The following NDST4 variants were observed in gnomAD, a reference collection of about 807,000 sequenced individuals.
NDST4 encodes N-deacetylase and N-sulfotransferase 4, also known as N-heparan sulfate sulfotransferase 4.
Under a neutral mutation model 100.8 loss-of-function variants are expected in NDST4, and 63 were observed. The ratio of observed to expected loss-of-function variants is 0.62; its 90% CI spans 0.51 to 0.77. NDST4 has a LOEUF of 0.77. NDST4 is among the 30% of genes least tolerant of loss of function. NDST4 has a pLI of 0.00. For synonymous variants in NDST4, 377 were observed against 361.8 expected, an observed-to-expected ratio of 1.04 and a Z score of -0.48; for missense variants, 943 against 1,018.4, an observed-to-expected ratio of 0.93 and a Z score of 1.01.
chr4:114,927,795 T>C (rs932588597), intron 6 of NDST4, among the ~76,000 whole-genome samples: 19 of 152,140 alleles, frequency 1.2e-4, no homozygotes, highest in African/African-American at 4.6e-4. Context: ...AAAGTATAGA[T>C]GATTAATGGA....
chr4:114,917,423 T>C (rs994658121), intron 6 of NDST4, among the ~76,000 whole-genome samples: 14 of 152,068 alleles, frequency 9.2e-5, no homozygotes, highest in African/African-American at 3.1e-4. Context: ...AAAAGACATA[T>C]ATCTCCAAGT....
At chr4:114,934,502 G>A (rs892636029) in intron 6 of NDST4, among the ~76,000 whole-genome samples, 1 of 151,070 alleles carries the variant, frequency 6.6e-6, no homozygotes, top group Non-Finnish European at 1.5e-5. Context: ...TGCAGCTAGC[G>A]GAGATCGCGC....
intron 8 of NDST4, among the ~76,000 whole-genome samples, chr4:114,852,024 T>C (rs1158745927): frequency 6.6e-6 from 1 of 152,170 alleles, no homozygotes; most frequent in Non-Finnish European, 1.5e-5. Flanking sequence ...AAAACTTTAA[T>C]TAATCAGGAC....
At chr4:115,025,196 C>T (rs183903841) in intron 2 of NDST4, among the ~76,000 whole-genome samples, 3 of 152,218 alleles carry the variant, frequency 2.0e-5, no homozygotes, top group East Asian at 3.9e-4. Flanking sequence ...AAGTGTGACA[C>T]ATCCAACATG....
At chr4:114,907,028 G>T (rs1333788531) in intron 6 of NDST4, among the ~76,000 whole-genome samples, 1 of 152,026 alleles carries the variant, frequency 6.6e-6, no homozygotes, top group East Asian at 1.9e-4. Context: ...AATCTAGTGG[G>T]AAAGTACATT....
rs968530402 is a variant in NDST4 at position 114,929,679 on chromosome 4, A to G, written c.1536+5527T>C. Among the ~76,000 whole-genome samples the G allele has an allele frequency of 4.0e-4, 61 of 152,220 alleles. 3 individuals are homozygous for G. The highest frequency in any genetic ancestry group is 1.5e-5 in the Non-Finnish European group (1 of 68,040). On this transcript the variant is annotated intron_variant, in intron 6 of 13. Transcript: ENST00000264363. Reference sequence around the variant, plus strand: ...AACTTTTTAAAGTGAGATTTATAAGACTTACTATAGTTTGATTAGTTCACA... The same window carrying G: ...AACTTTTTAAAGTGAGATTTATAAGGCTTACTATAGTTTGATTAGTTCACA...
rs118175647 is a variant in NDST4 at position 115,095,515 on chromosome 4, T to C, written c.-247+17929A>G. Among the ~76,000 whole-genome samples, 26 of 152,232 alleles carry C rather than the reference T, an allele frequency of 1.7e-4. No homozygotes were observed. The East Asian group carries it at 5.0e-3, about 29-fold the overall frequency. ...ATTGGTTAGATGTCCTTTTTATTTCTCATTGTCACTAATAGCCTATTTTTC... is the reference window on the plus strand; with the variant it reads ...ATTGGTTAGATGTCCTTTTTATTTCCCATTGTCACTAATAGCCTATTTTTC... On this transcript the variant is annotated intron_variant, in intron 1 of 13. Transcript: ENST00000264363.
chr4:114,926,687 G>T (rs1019355113), intron 6 of NDST4, among the ~76,000 whole-genome samples: 2 of 152,066 alleles, frequency 1.3e-5, no homozygotes, highest in Non-Finnish European at 2.9e-5. Flanking sequence ...AAGAAATAAA[G>T]AAACAATACT....
rs542241553 is a variant in NDST4, at chr4:114,996,422, C to T, written c.979-19148G>A. Among the ~76,000 whole-genome samples, 9 of 152,022 alleles carry T rather than the reference C, an allele frequency of 5.9e-5. No homozygotes were observed. In the South Asian group the frequency reaches 1.5e-3, roughly 25 times the overall value. The stretch of plus-strand genomic sequence containing the variant: ...AGACCTGAGTATTTCTTTATAGCAA[C>T]GTAAGAAAGAACTAATACAGCAGTT... On this transcript the variant is annotated intron_variant, in intron 2 of 13. Transcript: ENST00000264363.
intron 11 of NDST4, among the ~76,000 whole-genome samples, chr4:114,838,804 CTTT>C (rs540720577): frequency 2.1e-5 from 3 of 141,806 alleles, no homozygotes; most frequent in African/African-American, 5.2e-5. Context: ...TAGCCCAGAA[CTTT>C]TTTTTTTTTT....
chr4:114,983,476 T>A, intron 2 of NDST4, among the ~76,000 whole-genome samples: 1 of 152,318 alleles, frequency 6.6e-6, no homozygotes, highest in Non-Finnish European at 1.5e-5. Context: ...GGTTTCAGAC[T>A]TGCACAGGGC....
chr4:114,872,734 C>T (rs115407817), intron 6 of NDST4, among the ~76,000 whole-genome samples: 2,017 of 151,938 alleles, frequency 0.013, 46 homozygotes, highest in African/African-American at 0.046. Flanking sequence ...CTGTTATTGT[C>T]CCCTTTTACA....
intron 1 of NDST4, among the ~76,000 whole-genome samples, chr4:115,083,271 C>G (rs1315429701): frequency 6.6e-6 from 1 of 151,976 alleles, no homozygotes; most frequent in Non-Finnish European, 1.5e-5. Flanking sequence ...GACAACAAAA[C>G]AAGATCTTGT....
intron 1 of NDST4, among the ~76,000 whole-genome samples, chr4:115,082,096 C>T (rs1254165865): frequency 2.6e-5 from 4 of 152,164 alleles, no homozygotes; most frequent in South Asian, 2.1e-4. Flanking sequence ...AAAAGGGAGG[C>T]TTTTGTAGGT....
chr4:115,015,406 C>T (rs1204866978), intron 2 of NDST4, among the ~76,000 whole-genome samples: 1 of 152,042 alleles, frequency 6.6e-6, no homozygotes, highest in African/African-American at 2.4e-5. Flanking sequence ...GGCAGAACTT[C>T]AAACATTTCA....
chr4:114,959,720 T>C (rs2892670), intron 4 of NDST4, among the ~76,000 whole-genome samples: 90,647 of 151,840 alleles, frequency 0.6, 27,879 homozygotes, highest in Non-Finnish European at 0.68. Flanking sequence ...AAATCGATTA[T>C]GAGATTATGC....
intron 2 of NDST4, among the ~76,000 whole-genome samples, chr4:115,015,668 C>G (rs1727660782): frequency 6.6e-6 from 1 of 151,994 alleles, no homozygotes; most frequent in Admixed American, 6.6e-5. Flanking sequence ...TTTTAATAAC[C>G]AAGTAGATAG....
chr4:114,833,544 TA>T, intron 12 of NDST4, 61 bp downstream of exon 12: 1 of 1,049,180 alleles, frequency 9.5e-7, no homozygotes, highest in Non-Finnish European at 1.5e-6. Flanking sequence ...TATACACACC[TA>T]CCAGTGATAA....
At chr4:115,054,377 G>A (rs72898617) in intron 2 of NDST4, among the ~76,000 whole-genome samples, 35 of 151,970 alleles carry the variant, frequency 2.3e-4, no homozygotes, top group African/African-American at 8.5e-4. Context: ...TATTTACTTA[G>A]AGCAGTATTT....
Sources: gnomAD v4.1 joint callset for allele counts (sites outside exome capture counted in the v4.1 genomes callset) on GRCh38, gnomAD v4.1.1 for gene constraint, MANE v1.5 for transcripts, NCBI Gene and HGNC (gene_info 2026-07-23, HGNC 2026-07-21) for gene names.